Variants in ROBO1 observed in about 807,000 individuals in gnomAD.
The protein encoded by ROBO1 is roundabout guidance receptor 1, also known as roundabout homolog 1.
A neutral mutation model predicts 195.9 loss-of-function variants in ROBO1; 149 were observed. The observed-to-expected ratio is 0.76, with a 90% CI of 0.67 to 0.87. The LOEUF (loss-of-function observed/expected upper bound fraction) is 0.87, where lower values mean the gene tolerates loss of function less well. ROBO1 is among the 40% of genes least tolerant of loss of function. The pLI is 0.00. For missense variants in ROBO1, 1,933 were observed against 2,068.3 expected (o/e 0.93, Z 1.27); for synonymous variants, 816 against 733.2 (o/e 1.11, Z -1.82).
chr3:79,745,527 G>A (rs1703835730), intron 1 of ROBO1, among the ~76,000 whole-genome samples: 1 of 152,194 alleles, frequency 6.6e-6, no homozygotes. Context: ...CATAAGGAAT[G>A]TGGAGCCAGA....
intron 3 of ROBO1, among the ~76,000 whole-genome samples, chr3:79,081,502 G>T (rs954535600): frequency 3.9e-5 from 6 of 152,124 alleles, no homozygotes; most frequent in African/African-American, 1.2e-4. Context: ...CTTCTGTTGA[G>T]GGAGAAGGTT....
chr3:79,450,183 A>C (rs2107190430), intron 2 of ROBO1, among the ~76,000 whole-genome samples: 1 of 152,134 alleles, frequency 6.6e-6, no homozygotes, highest in African/African-American at 2.4e-5. Flanking sequence ...GACCAACCTA[A>C]GCTAATAAAT....
In ROBO1 at chr3:78,651,785, C is replaced by G; in HGVS notation, c.2759G>C (p.Arg920Pro). The change falls in exon 19 of 31, where the codon CGA becomes CCA. Residue 920 changes from arginine to proline, a missense_variant. This residue lies in a region of ROBO1 where 1,737 missense variants were observed against 1,882.5 expected (regional missense o/e 0.92). Coordinates refer to ENST00000464233, the MANE Select transcript of ROBO1 (RefSeq NM_002941.4). ...ILMVFSIWLYRHRKKRNGLTS... is the reference protein window; with the variant it reads ...ILMVFSIWLYPHRKKRNGLTS... ...AAGTCCGTTTCTCTTCTTGCGGTGT[C>G]GATAAAGCCAGATGCTGAAGACCAT... 6.2e-7 allele frequency: 1 copy of G among 1,613,492 alleles called. No homozygotes were observed. The highest frequency in any genetic ancestry group is 8.5e-7 in the Non-Finnish European group (1 of 1,179,606).
intron 4 of ROBO1, among the ~76,000 whole-genome samples, chr3:78,917,098 C>CATT (rs1559997464): frequency 7.9e-5 from 9 of 114,610 alleles, no homozygotes; most frequent in East Asian, 7.5e-4. Flanking sequence ...TTTTGTTTTT[C>CATT]GTTTTTTTTT....
chr3:79,348,916 G>A (rs1470640238), intron 2 of ROBO1, among the ~76,000 whole-genome samples: 2 of 152,018 alleles, frequency 1.3e-5, no homozygotes, highest in East Asian at 1.9e-4. Context: ...CAATGAAAAC[G>A]CGAAAGTTTA....
chr3:78,600,332 T>G (rs757351405), intron 29 of ROBO1, 23 bp from the exon 30 acceptor site: 1 of 1,444,448 alleles, frequency 6.9e-7, no homozygotes, highest in East Asian at 2.3e-5. Context: ...ATATAATAAA[T>G]GCAGGTGAGT....
intron 2 of ROBO1, among the ~76,000 whole-genome samples, chr3:79,205,693 A>C (rs773221973): frequency 3.3e-5 from 5 of 152,198 alleles, no homozygotes; most frequent in African/African-American, 7.2e-5. Flanking sequence ...CCCTGTGCAC[A>C]GTAATTGATT....
chr3:79,239,944 G>A (rs1336714021), intron 2 of ROBO1, among the ~76,000 whole-genome samples: 1 of 151,934 alleles, frequency 6.6e-6, no homozygotes, highest in Admixed American at 6.6e-5. Context: ...ATGATGTTTT[G>A]GTATATCCTA....
At chr3:79,736,283 A>G (rs191133624) in intron 1 of ROBO1, among the ~76,000 whole-genome samples, 12 of 152,318 alleles carry the variant, frequency 7.9e-5, no homozygotes, top group Non-Finnish European at 1.5e-4. Context: ...TAATGAGAGG[A>G]GAACATGAAC....
chr3:79,519,644 A>G (rs1941117842), intron 2 of ROBO1, among the ~76,000 whole-genome samples: 1 of 151,028 alleles, frequency 6.6e-6, no homozygotes, highest in South Asian at 2.1e-4. Context: ...AAAAAAAAAA[A>G]AAAAAGAAAA....
chr3:79,259,996 A>G (rs2082909586), intron 2 of ROBO1, among the ~76,000 whole-genome samples: 1 of 152,064 alleles, frequency 6.6e-6, no homozygotes, highest in Non-Finnish European at 1.5e-5. Context: ...CCAGTTTATC[A>G]AGTTTTAAAG....
At chr3:79,001,622 A>G (rs1374887) in intron 3 of ROBO1, among the ~76,000 whole-genome samples, 150,793 of 152,282 alleles carry the variant, frequency 0.99, 74,670 homozygotes, top group East Asian at 1. Flanking sequence ...CCATCTATAT[A>G]TGAGTTAGTT....
intron 2 of ROBO1, among the ~76,000 whole-genome samples, chr3:79,328,636 T>A (rs947071911): frequency 1.3e-5 from 2 of 152,110 alleles, no homozygotes; most frequent in Admixed American, 6.6e-5. Flanking sequence ...TTTTAAAAAA[T>A]TTCAATAGTT....
intron 4 of ROBO1, among the ~76,000 whole-genome samples, chr3:78,879,324 C>G (rs1338435628): frequency 6.6e-6 from 1 of 152,074 alleles, no homozygotes; most frequent in African/African-American, 2.4e-5. Flanking sequence ...ATATGTGTGA[C>G]AGGGAGCATG....
At chr3:78,719,973 A>T (rs1295766919) in intron 5 of ROBO1, among the ~76,000 whole-genome samples, 1 of 152,132 alleles carries the variant, frequency 6.6e-6, no homozygotes, top group African/African-American at 2.4e-5. Context: ...ATATCATTTA[A>T]ATTTTTGTCT....
At chr3:78,706,322 AG>A (rs199510676) in intron 8 of ROBO1, among the ~76,000 whole-genome samples, 2,528 of 152,192 alleles carry the variant, frequency 0.017, 67 homozygotes, top group African/African-American at 0.057. Flanking sequence ...TATACACAAA[AG>A]AAATATAGGA....
At chr3:78,778,262 C>T (rs13087237) in intron 4 of ROBO1, among the ~76,000 whole-genome samples, 8 of 151,852 alleles carry the variant, frequency 5.3e-5, no homozygotes, top group Admixed American at 2.0e-4. Context: ...ATTTTCGCAT[C>T]GATGTTCCTC....
At chr3:78,946,280 G>A (rs145096213) in intron 3 of ROBO1, among the ~76,000 whole-genome samples, 87 of 152,202 alleles carry the variant, frequency 5.7e-4, no homozygotes, top group African/African-American at 1.8e-3. Flanking sequence ...GAGAAAGGTC[G>A]GGTTACCCAC....
intron 7 of ROBO1, 196 bp from the exon 8 acceptor site, chr3:78,714,720 A>C (rs1368111169): frequency 9.1e-6 from 4 of 438,754 alleles, no homozygotes; most frequent in Non-Finnish European, 1.6e-5. Flanking sequence ...AACATATTAA[A>C]CTACTTTCTA....
Sources: allele counts gnomAD v4.1 joint callset (sites outside exome capture counted in the v4.1 genomes callset), GRCh38; gene constraint gnomAD v4.1.1; regional missense constraint gnomAD v4.1.1; transcripts MANE v1.5; gene names NCBI Gene and HGNC (gene_info 2026-07-23, HGNC 2026-07-21).